FSTL4: variants seen among roughly 807,000 people sequenced by gnomAD.
FSTL4 encodes the protein follistatin like 4.
FSTL4 carries 28 observed loss-of-function variants against 78.2 expected under a neutral mutation model. The ratio of observed to expected loss-of-function variants is 0.36; its 90% CI spans 0.27 to 0.49. The LOEUF is 0.49. FSTL4 is among the 20% of genes least tolerant of loss of function. The pLI is 0.98. For missense variants in FSTL4, 922 were observed against 1,084.9 expected, an observed-to-expected ratio of 0.85 and a Z score of 2.11; for synonymous variants, 422 against 440.5, an observed-to-expected ratio of 0.96 and a Z score of 0.53.
intron 3 of FSTL4, among the ~76,000 whole-genome samples, chr5:133,481,889 T>C (rs962688073): frequency 6.6e-6 from 1 of 152,234 alleles, no homozygotes; most frequent in Non-Finnish European, 1.5e-5. Context: ...CTGTGCCATC[T>C]AAGGCATTCA....
At chr5:133,291,699 C>G (rs1248565790) in intron 6 of FSTL4, among the ~76,000 whole-genome samples, 2 of 152,170 alleles carry the variant, frequency 1.3e-5, no homozygotes, top group African/African-American at 4.8e-5. Context: ...TAGGAGTGTT[C>G]TCTGCCTAAG....
At chr5:133,483,001 T>C (rs1011682914) in intron 3 of FSTL4, among the ~76,000 whole-genome samples, 1 of 152,172 alleles carries the variant, frequency 6.6e-6, no homozygotes, top group African/African-American at 2.4e-5. Flanking sequence ...TCATCTTGAA[T>C]TGTAGCTACC....
chr5:133,409,404 AC>A (rs937001189), intron 3 of FSTL4, among the ~76,000 whole-genome samples: 2 of 152,124 alleles, frequency 1.3e-5, no homozygotes, highest in Non-Finnish European at 2.9e-5. Flanking sequence ...AGCCCTTTGC[AC>A]TGTGTGTCAT....
At position 133,217,210 on chromosome 5, in the gene FSTL4, C is replaced by T; in HGVS notation, c.1608+19G>A. On this transcript the variant is annotated intron_variant, in intron 13 of 15. Coordinates refer to ENST00000265342, the MANE Select transcript of FSTL4 (RefSeq NM_015082.2). ...GCCCCAGAATTTGAAGTTTTCCTCA[C>T]TCCATTAAAGAGGTGTACCTGTAGG... The T allele has an allele frequency of 6.3e-7, 1 of 1,598,470 alleles. No homozygotes were observed. The highest frequency in any genetic ancestry group is 8.6e-7 in the Non-Finnish European group (1 of 1,168,876).
At chr5:133,752,833 C>T in the FSTL4 span, among the ~76,000 whole-genome samples, 1 of 152,120 alleles carries the variant, frequency 6.6e-6, no homozygotes, top group African/African-American at 2.4e-5. Context: ...AAAGCTACCA[C>T]AGCCTGTTAC....
intron 4 of FSTL4, among the ~76,000 whole-genome samples, chr5:133,372,673 A>T (rs1755339808): frequency 6.6e-6 from 1 of 152,200 alleles, no homozygotes; most frequent in Non-Finnish European, 1.5e-5. Flanking sequence ...CTTATGGGGG[A>T]ATGGATCCAG....
intron 3 of FSTL4, among the ~76,000 whole-genome samples, chr5:133,554,964 T>C (rs970498615): frequency 1.3e-5 from 2 of 152,142 alleles, no homozygotes; most frequent in African/African-American, 2.4e-5. Context: ...TATCAGAAAA[T>C]GCTGCAGAAT....
chr5:133,406,064 C>G (rs1212379840), intron 3 of FSTL4, among the ~76,000 whole-genome samples: 2 of 152,206 alleles, frequency 1.3e-5, no homozygotes, highest in Non-Finnish European at 2.9e-5. Context: ...AAAAACAAGA[C>G]AAGTGTAGAT....
intron 7 of FSTL4, chr5:133,244,130 G>A (rs540814172): frequency 1.3e-5 from 2 of 152,622 alleles, no homozygotes; most frequent in South Asian, 4.1e-4. Flanking sequence ...CTGCTTCTGA[G>A]ATGGGTCTCA....
the FSTL4 span, among the ~76,000 whole-genome samples, chr5:133,803,395 A>T: frequency 6.6e-6 from 1 of 152,282 alleles, no homozygotes; most frequent in South Asian, 2.1e-4. Flanking sequence ...GGGAAATCAC[A>T]GTTGGGCCCC....
At chr5:133,288,022 C>A (rs1212763171) in intron 6 of FSTL4, among the ~76,000 whole-genome samples, 1 of 152,240 alleles carries the variant, frequency 6.6e-6, no homozygotes, top group Non-Finnish European at 1.5e-5. Flanking sequence ...ATTGCCCAAC[C>A]TCAGTCATCT....
At chr5:133,713,310 C>A in the FSTL4 span, among the ~76,000 whole-genome samples, 27 of 152,252 alleles carry the variant, frequency 1.8e-4, no homozygotes, top group African/African-American at 5.1e-4. Context: ...TTGCTTTAGA[C>A]AAACCCATAA....
chr5:133,235,734 A>G (rs935245458), intron 7 of FSTL4, among the ~76,000 whole-genome samples: 1 of 152,158 alleles, frequency 6.6e-6, no homozygotes, highest in Non-Finnish European at 1.5e-5. Flanking sequence ...TGCTTCAAAG[A>G]GCCCTTTTCT....
At chr5:133,794,404 G>A in the FSTL4 span, among the ~76,000 whole-genome samples, 1 of 152,210 alleles carries the variant, frequency 6.6e-6, no homozygotes, top group African/African-American at 2.4e-5. Flanking sequence ...GCTGACCAAG[G>A]CCATGCTGGC....
At chr5:133,288,802 T>C (rs1753193336) in intron 6 of FSTL4, among the ~76,000 whole-genome samples, 1 of 152,148 alleles carries the variant, frequency 6.6e-6, no homozygotes, top group Non-Finnish European at 1.5e-5. Context: ...TGGACAGCGC[T>C]GGAGGGGGCA....
chr5:133,491,417 TG>T (rs1292407512), intron 3 of FSTL4, among the ~76,000 whole-genome samples: 11 of 150,276 alleles, frequency 7.3e-5, no homozygotes, highest in Non-Finnish European at 1.0e-4. Flanking sequence ...TTTTTTTTTT[TG>T]AGACGGAGTC....
At chr5:133,423,707 G>A (rs1450620152) in intron 3 of FSTL4, among the ~76,000 whole-genome samples, 2 of 152,144 alleles carry the variant, frequency 1.3e-5, no homozygotes, top group Non-Finnish European at 2.9e-5. Context: ...GATCGGGGTG[G>A]TGACGATAGA....
chr5:133,350,118 G>A (rs1387620633), intron 4 of FSTL4, among the ~76,000 whole-genome samples: 3 of 149,634 alleles, frequency 2.0e-5, no homozygotes, highest in African/African-American at 7.4e-5. Flanking sequence ...TTGTCATGCT[G>A]CCATGCGACT....
rs957333421 is a variant in FSTL4 at position 133,611,871 on chromosome 5, G to C, written c.-11+454C>G. On this transcript the variant is annotated intron_variant, in intron 1 of 15. Coordinates refer to ENST00000265342, the MANE Select transcript of FSTL4 (RefSeq NM_015082.2). This position sits in a 1 kb window ranked among gnomAD's most constrained non-coding sequence, Gnocchi z 4.9. ...CCCGGCGCCCCAACCCGGAGCCAAG[G>C]GCACCGGGCCCGGGCCGAGGGGCCG... Among the ~76,000 whole-genome samples, 6 of 152,136 alleles carry C rather than the reference G, an allele frequency of 3.9e-5. No individual in the cohort carries two copies. The highest frequency in any genetic ancestry group is 1.2e-4 in the African/African-American group (5 of 41,444).
Sources: gnomAD v4.1 joint callset for allele counts (sites outside exome capture counted in the v4.1 genomes callset) on GRCh38, gnomAD v4.1.1 for gene constraint, Gnocchi (gnomAD v3.1) non-coding constraint, MANE v1.5 for transcripts, NCBI Gene and HGNC (gene_info 2026-07-23, HGNC 2026-07-21) for gene names.